The following ARHGAP17 variants were observed in gnomAD, a reference collection of about 807,000 sequenced individuals.
ARHGAP17 encodes Rho GTPase activating protein 17, also known as rho GTPase-activating protein 17.
In ARHGAP17, 57 loss-of-function variants were observed where a neutral mutation model predicts 99.5. The ratio of observed to expected loss-of-function variants is 0.57; its 90% confidence interval spans 0.46 to 0.71. The LOEUF is 0.71. Among genes scored for constraint, ARHGAP17 ranks in the 30% least tolerant of loss-of-function variants. The probability of loss-of-function intolerance (pLI) is 0.00; values close to 1 mark genes in which losing one functional copy is unlikely to be tolerated. For synonymous variants in ARHGAP17, 417 were observed against 429.6 expected, an observed-to-expected ratio of 0.97 and a Z score of 0.36; for missense variants, 1,000 against 1,122.4, an observed-to-expected ratio of 0.89 and a Z score of 1.56.
chr16:24,953,197 T>C (rs8045868), intron 10 of ARHGAP17, among the ~76,000 whole-genome samples, 155 bp from the exon 11 acceptor site: 28,987 of 152,180 alleles, frequency 0.19, 8,576 homozygotes, highest in African/African-American at 0.64. Context: ...GGAGGAATGA[T>C]GAGGGCTGAG....
At position 24,939,505 on chromosome 16, in the gene ARHGAP17, G is replaced by A. The variant is rs750090760; in HGVS notation, c.1583C>T (p.Pro528Leu). 20 of 1,611,018 alleles carry A rather than the reference G, an allele frequency of 1.2e-5. No homozygotes were observed. Among genetic ancestry groups the A allele is most frequent in the Admixed American group, 5.0e-5 (3 of 59,558 alleles). Reference protein sequence around the residue: ...HISPAFQPPLPPTDGSTVVPA... With the variant: ...HISPAFQPPLLPTDGSTVVPA... The stretch of plus-strand genomic sequence containing the variant: ...CACCACGGTGCTGCCATCTGTGGGC[G>A]GAAGTGGCGGCTGGAAAGCGGGGGA... The change falls in exon 17 of 20, where the codon CCG (proline) becomes CTG (leucine). Residue 528 changes from proline (P) to leucine (L), a missense_variant. Pro to Leu is a moderately conservative substitution (Grantham distance 98, BLOSUM62 -3). This residue lies in a region of ARHGAP17 where 528 missense variants were observed against 511.4 expected (regional missense o/e 1.03). Coordinates refer to ENST00000289968, the MANE Select transcript of ARHGAP17 (RefSeq NM_001006634.3).
Position 24,977,241 on chromosome 16 carries a change from G to A in ARHGAP17, c.172C>T (p.His58Tyr). The A allele has an allele frequency of 6.3e-7, 1 of 1,593,044 alleles. No individual in the cohort carries two copies. Among genetic ancestry groups the A allele is most frequent in the Non-Finnish European group, 8.6e-7 (1 of 1,165,334 alleles). The change falls in exon 3 of 20, where the codon CAT (histidine) becomes TAT (tyrosine). Residue 58 changes from histidine (H) to tyrosine (Y), a missense_variant. Physicochemically the swap from His to Tyr is moderately conservative, Grantham distance 83 (BLOSUM62 2). Coordinates refer to ENST00000289968, the MANE Select transcript of ARHGAP17 (RefSeq NM_001006634.3). ...KRLVACFQGQ[H>Y]GTDAERRHKK... ...TGTCTCCTCTCGGCATCGGTGCCAT[G>A]CTGGCCCTGGAAACATGCCACCAAG...
chr16:24,961,048 G>C (rs2051980815), intron 7 of ARHGAP17, among the ~76,000 whole-genome samples: 1 of 151,288 alleles, frequency 6.6e-6, no homozygotes, highest in Admixed American at 6.6e-5. Context: ...ATTTTTGGTA[G>C]AGACAAGGTT....
chr16:24,983,920 G>T (rs2141388568), intron 1 of ARHGAP17, among the ~76,000 whole-genome samples: 1 of 152,312 alleles, frequency 6.6e-6, no homozygotes, highest in South Asian at 2.1e-4. Context: ...CAGCAGTGCT[G>T]CCCAGGCCTT....
chr16:24,935,525 G>A lies in ARHGAP17; in HGVS notation c.1839C>T (p.Leu613=), dbSNP rs1156620779. The A allele has an allele frequency of 5.6e-6, 9 of 1,613,290 alleles. No homozygotes were observed. Among genetic ancestry groups the A allele is most frequent in the Non-Finnish European group, 7.6e-6 (9 of 1,179,738 alleles). Residue 613 remains leucine (L), a synonymous_variant, in exon 18 of 20, where the codon CTC becomes CTT. Transcript: ENST00000289968. The part of the protein sequence containing the change: ...QPQAAAGSHQ[L]SMGQPHNAAG... Reference sequence around the variant, plus strand: ...CAGCATTGTGAGGTTGGCCCATGGAGAGCTGGTGGGAGCCAGCAGCTGCCT... The same window carrying A: ...CAGCATTGTGAGGTTGGCCCATGGAAAGCTGGTGGGAGCCAGCAGCTGCCT...
In ARHGAP17 at chr16:24,944,998, T is replaced by C. The variant is rs143529288; in HGVS notation, c.1242-1136A>G. The stretch of plus-strand genomic sequence containing the variant: ...ATATGTGGACTAGTCTCAAGATGAG[T>C]GTTCAGATGTTAATAGTGTCTGACG... On this transcript the variant is annotated intron_variant, in intron 14 of 19. Coordinates refer to ENST00000289968, the MANE Select transcript of ARHGAP17 (RefSeq NM_001006634.3). 3.5e-3 allele frequency among the ~76,000 whole-genome samples: 533 copies of C among 151,714 alleles called. 4 individuals carry two copies. The highest frequency in any genetic ancestry group is 0.012 in the African/African-American group (501 of 41,314).
intron 18 of ARHGAP17, among the ~76,000 whole-genome samples, chr16:24,933,414 G>A (rs1410852330): frequency 2.0e-5 from 3 of 151,840 alleles, no homozygotes; most frequent in Non-Finnish European, 4.4e-5. Context: ...TCCAGTGGCT[G>A]GAGGATGCAG....
chr16:24,974,335 G>A (rs2052453966), intron 3 of ARHGAP17, among the ~76,000 whole-genome samples: 1 of 152,150 alleles, frequency 6.6e-6, no homozygotes, highest in Non-Finnish European at 1.5e-5. Context: ...GGAGGCTGAG[G>A]TGGGAGAATC....
chr16:24,984,405 G>A (rs2052794227), intron 1 of ARHGAP17, among the ~76,000 whole-genome samples: 2 of 152,140 alleles, frequency 1.3e-5, no homozygotes, highest in Non-Finnish European at 2.9e-5. Flanking sequence ...AGTGGCTCAC[G>A]CCTGTAATCC....
intron 1 of ARHGAP17, among the ~76,000 whole-genome samples, chr16:25,012,497 G>A (rs2053668026): frequency 2.0e-5 from 3 of 152,168 alleles, no homozygotes; most frequent in Admixed American, 6.5e-5. Flanking sequence ...CACCTAGATC[G>A]CAGGGGCGAA....
In ARHGAP17 at chr16:24,935,494, G is replaced by A. The variant is rs1222035682; in HGVS notation, c.1870C>T (p.Pro624Ser). 6.2e-7 allele frequency: 1 copy of A among 1,608,576 alleles called. No individual in the cohort carries two copies. The highest frequency in any genetic ancestry group is 1.1e-5 in the South Asian group (1 of 90,192). ...CCTCGGCGCAGTGTATGCGGGCTGG[G>A]CCCTGCAGCATTGTGAGGTTGGCCC... ...SMGQPHNAAG[P>S]SPHTLRRAVK... is the part of the protein sequence containing the mutation. The change falls in exon 18 of 20, where the codon CCC (proline) becomes TCC (serine). Residue 624 changes from proline (P) to serine (S), a missense_variant. This residue lies in a region of ARHGAP17 where 528 missense variants were observed against 511.4 expected (regional missense o/e 1.03). Coordinates refer to ENST00000289968, the MANE Select transcript of ARHGAP17 (RefSeq NM_001006634.3).
At chr16:24,964,831 G>T (rs528821629) in intron 6 of ARHGAP17, among the ~76,000 whole-genome samples, 1 of 152,200 alleles carries the variant, frequency 6.6e-6, no homozygotes, top group Non-Finnish European at 1.5e-5. Context: ...CTATGAGGCT[G>T]GGTGCGGTGG....
chr16:24,973,283 T>G (rs914346816), intron 3 of ARHGAP17, among the ~76,000 whole-genome samples: 1 of 152,260 alleles, frequency 6.6e-6, no homozygotes, highest in African/African-American at 2.4e-5. Context: ...AAAGGTCACC[T>G]GCCTCATGTC....
chr16:24,995,237 C>T (rs2053160250), intron 1 of ARHGAP17, among the ~76,000 whole-genome samples: 1 of 152,170 alleles, frequency 6.6e-6, no homozygotes, highest in Non-Finnish European at 1.5e-5. Context: ...CACAGCCAAA[C>T]CATGTCATAC....
rs376496171 is a variant in ARHGAP17, at chr16:24,931,164, T to C, written c.2135A>G (p.Asn712Ser). ...SSSLSPIQAP[N>S]HPPPQPPTQA... The stretch of plus-strand genomic sequence containing the variant: ...CGTAGGGGGCTGCGGCGGTGGGTGA[T>C]TGGGAGCTTGGATTGGAGACAAGCT... Residue 712 changes from asparagine (N) to serine (S), a missense_variant, in exon 19 of 20, where the codon AAT (asparagine) becomes AGT (serine). This residue lies in a region of ARHGAP17 where 528 missense variants were observed against 511.4 expected (regional missense o/e 1.03). Transcript: ENST00000289968. 3.9e-5 allele frequency: 62 copies of C among 1,595,560 alleles called. No homozygotes were observed. Among genetic ancestry groups the C allele is most frequent in the Non-Finnish European group, 5.2e-5 (61 of 1,171,472 alleles).
At chr16:24,945,023 G>A (rs563188085) in intron 14 of ARHGAP17, among the ~76,000 whole-genome samples, 9 of 151,878 alleles carry the variant, frequency 5.9e-5, no homozygotes, top group South Asian at 4.2e-4. Flanking sequence ...AGTGTCTGAC[G>A]CCAAGGCTCA....
At chr16:24,999,029 C>T (rs1052016298) in intron 1 of ARHGAP17, among the ~76,000 whole-genome samples, 1 of 152,180 alleles carries the variant, frequency 6.6e-6, no homozygotes, top group African/African-American at 2.4e-5. Flanking sequence ...AGTGCCAGTG[C>T]CCACCGCCAT....
At chr16:24,951,222 A>C (rs1261590508) in intron 12 of ARHGAP17, among the ~76,000 whole-genome samples, 1 of 152,080 alleles carries the variant, frequency 6.6e-6, no homozygotes, top group Non-Finnish European at 1.5e-5. Context: ...GAAGTAGAGG[A>C]ATATAGCATT....
chr16:24,962,452 A>G (rs1476110033), intron 7 of ARHGAP17, among the ~76,000 whole-genome samples: 1 of 152,220 alleles, frequency 6.6e-6, no homozygotes, highest in Non-Finnish European at 1.5e-5. Context: ...TCTGAGAAAC[A>G]TTGGCCAAGA....
Sources: allele counts gnomAD v4.1 joint callset (sites outside exome capture counted in the v4.1 genomes callset), GRCh38; gene constraint gnomAD v4.1.1; regional missense constraint gnomAD v4.1.1; transcripts MANE v1.5; gene names NCBI Gene and HGNC (gene_info 2026-07-23, HGNC 2026-07-21).